Variants in TMEM200A observed in about 807,000 individuals in gnomAD.
The protein encoded by TMEM200A is transmembrane protein 200A, also known as two transmembrane C.
TMEM200A carries 12 observed loss-of-function variants against 24.3 expected under a neutral mutation model. The observed-to-expected ratio is 0.49, with a 90% CI of 0.32 to 0.80. The LOEUF (loss-of-function observed/expected upper bound fraction) is 0.80, where lower values mean the gene tolerates loss of function less well. Ranked by LOEUF, TMEM200A falls within the 30% of genes least tolerant of loss-of-function variation. The pLI is 0.04. For synonymous variants in TMEM200A, 224 were observed against 224.4 expected (o/e 1.00, Z 0.02); for missense variants, 545 against 614.4 (o/e 0.89, Z 1.19).
chr6:130,422,642 C>T (rs1181359220), intron 2 of TMEM200A, among the ~76,000 whole-genome samples: 2 of 152,082 alleles, frequency 1.3e-5, no homozygotes, highest in Non-Finnish European at 2.9e-5. Context: ...TCATAATACT[C>T]GTGTCTTTTA....
At chr6:130,389,393 C>T (rs528043386) in intron 2 of TMEM200A, among the ~76,000 whole-genome samples, 16 of 152,140 alleles carry the variant, frequency 1.1e-4, no homozygotes, top group Admixed American at 2.6e-4. Flanking sequence ...CACTGTGTCA[C>T]GTCTTCCCTC....
chr6:130,399,597 A>G (rs1352846700), intron 2 of TMEM200A, among the ~76,000 whole-genome samples: 5 of 149,408 alleles, frequency 3.3e-5, no homozygotes, highest in Admixed American at 1.3e-4. Context: ...TTCTTTTTTC[A>G]TAGTATACTA....
chr6:130,375,069 A>G (rs1778418608), intron 1 of TMEM200A, among the ~76,000 whole-genome samples: 1 of 152,222 alleles, frequency 6.6e-6, no homozygotes, highest in Non-Finnish European at 1.5e-5. Flanking sequence ...ATTTACAACT[A>G]AAATAAAAAA....
intron 2 of TMEM200A, among the ~76,000 whole-genome samples, chr6:130,428,972 A>G (rs931318496): frequency 2.0e-5 from 3 of 152,164 alleles, no homozygotes; most frequent in African/African-American, 7.2e-5. Flanking sequence ...CCAATATACA[A>G]TAGAAACTCA....
At chr6:130,373,410 T>C (rs975730460) in intron 1 of TMEM200A, among the ~76,000 whole-genome samples, 26 of 152,324 alleles carry the variant, frequency 1.7e-4, no homozygotes, top group Middle Eastern at 6.8e-3. Context: ...TGGCATTTTC[T>C]TTCTCCTTAT....
At position 130,378,113 on chromosome 6, in the gene TMEM200A, G is replaced by A. The variant is rs113648478; in HGVS notation, c.-80-7060G>A. Among the ~76,000 whole-genome samples, 251 of 152,236 alleles carry A rather than the reference G, an allele frequency of 1.6e-3. 1 individual carries two copies. The highest frequency in any genetic ancestry group is 5.8e-3 in the African/African-American group (242 of 41,554). On this transcript the variant is annotated intron_variant, in intron 1 of 2. Transcript: ENST00000296978. The stretch of plus-strand genomic sequence containing the variant: ...GGCCAGTGTGATTAGAACAAAGCAG[G>A]GGCTCACAGAGGGTGTTGGCGTCAC...
intron 2 of TMEM200A, among the ~76,000 whole-genome samples, chr6:130,400,230 C>T (rs1376996411): frequency 3.9e-5 from 6 of 151,924 alleles, no homozygotes; most frequent in South Asian, 2.1e-4. Context: ...GTATATTTTT[C>T]GAATAATGAC....
intron 2 of TMEM200A, among the ~76,000 whole-genome samples, chr6:130,414,036 GAAT>G (rs1422480994): frequency 6.6e-5 from 10 of 152,010 alleles, no homozygotes; most frequent in Non-Finnish European, 1.3e-4. Context: ...TGGCAATATG[GAAT>G]AATTGTTAAA....
At chr6:130,396,045 T>G (rs1778944578) in intron 2 of TMEM200A, among the ~76,000 whole-genome samples, 1 of 152,196 alleles carries the variant, frequency 6.6e-6, no homozygotes, top group South Asian at 2.1e-4. Flanking sequence ...TAGACATACT[T>G]TAGTTATAAA....
intron 2 of TMEM200A, among the ~76,000 whole-genome samples, chr6:130,434,013 C>T (rs1176716244): frequency 6.6e-6 from 1 of 152,202 alleles, no homozygotes; most frequent in African/African-American, 2.4e-5. Flanking sequence ...GCTCCTGTAG[C>T]TCCATCATAG....
At chr6:130,375,693 A>G (rs115093316) in intron 1 of TMEM200A, among the ~76,000 whole-genome samples, 2,900 of 152,294 alleles carry the variant, frequency 0.019, 89 homozygotes, top group African/African-American at 0.065. Context: ...CCAGCCTCAC[A>G]TATTTGGGGA....
chr6:130,410,650 A>G (rs1779309381), intron 2 of TMEM200A, among the ~76,000 whole-genome samples: 3 of 152,230 alleles, frequency 2.0e-5, no homozygotes, highest in Non-Finnish European at 4.4e-5. Context: ...CGTTGTTTCA[A>G]CAAAGCTAAG....
At chr6:130,370,052 C>T (rs1778282937) in intron 1 of TMEM200A, among the ~76,000 whole-genome samples, 1 of 152,192 alleles carries the variant, frequency 6.6e-6, no homozygotes, top group Non-Finnish European at 1.5e-5. Flanking sequence ...GTCCTTGCTT[C>T]AATCATGGCT....
In TMEM200A at chr6:130,371,488, A is replaced by G. The variant is rs189731381; in HGVS notation, c.-81+4964A>G. Among the ~76,000 whole-genome samples the G allele has an allele frequency of 1.3e-3, 203 of 152,212 alleles. 1 individual carries two copies. Among genetic ancestry groups the G allele is most frequent in the African/African-American group, 4.6e-3 (190 of 41,524 alleles). ...ACCTCTCAACCTCAAAGTCAAATTC[A>G]CTGTATCAGGCCAAACTGAAGGACC... On this transcript the variant is annotated intron_variant, in intron 1 of 2. Transcript: ENST00000296978.
At chr6:130,438,861 G>T (rs1780086102) in intron 2 of TMEM200A, 1 of 152,230 alleles carries the variant, frequency 6.6e-6, no homozygotes, top group Non-Finnish European at 1.5e-5. Context: ...GGTGCAGTGG[G>T]TCAGCTAGAG....
At chr6:130,383,408 C>G (rs1778646059) in intron 1 of TMEM200A, among the ~76,000 whole-genome samples, 1 of 152,146 alleles carries the variant, frequency 6.6e-6, no homozygotes, top group Non-Finnish European at 1.5e-5. Flanking sequence ...TGGCCTTATT[C>G]ACTTTGATGT....
At chr6:130,404,836 G>C (rs1470619356) in intron 2 of TMEM200A, among the ~76,000 whole-genome samples, 1 of 152,084 alleles carries the variant, frequency 6.6e-6, no homozygotes, top group Non-Finnish European at 1.5e-5. Flanking sequence ...GTTAATTTTT[G>C]TATATGGTGT....
chr6:130,409,818 G>A (rs1263417522), intron 2 of TMEM200A, among the ~76,000 whole-genome samples: 1 of 151,358 alleles, frequency 6.6e-6, no homozygotes, highest in Non-Finnish European at 1.5e-5. Flanking sequence ...ATGTATGAAA[G>A]GCACTTCCTT....
chr6:130,411,092 C>T (rs925040418), intron 2 of TMEM200A, among the ~76,000 whole-genome samples: 20 of 151,864 alleles, frequency 1.3e-4, no homozygotes, highest in African/African-American at 4.8e-4. Flanking sequence ...TTGCTTGAAC[C>T]TGGGAGGCAG....
Sources: allele counts gnomAD v4.1 joint callset (sites outside exome capture counted in the v4.1 genomes callset), GRCh38; gene constraint gnomAD v4.1.1; transcripts MANE v1.5; gene names NCBI Gene and HGNC (gene_info 2026-07-23, HGNC 2026-07-21).